KCNMB3: variants seen among roughly 807,000 people sequenced by gnomAD.
KCNMB3 encodes the protein potassium calcium-activated channel subfamily M regulatory beta subunit 3, also known as calcium-activated potassium channel subunit beta-3.
KCNMB3 carries 18 observed loss-of-function variants against 11.9 expected under a neutral mutation model. The observed-to-expected ratio is 1.51, with a 90% CI of 1.04 to 2.23. The LOEUF (loss-of-function observed/expected upper bound fraction) is 2.23. KCNMB3 is among the 30% of genes most tolerant of loss of function. KCNMB3 has a pLI of 0.00. For synonymous variants in KCNMB3, 78 were observed against 119.2 expected (o/e 0.65, Z 2.25); for missense variants, 247 against 329.4 (o/e 0.75, Z 1.94).
chr3:179,251,288 T>C, upstream of KCNMB3: 1 of 1,447,608 alleles, frequency 6.9e-7, no homozygotes, highest in Non-Finnish European at 9.0e-7. Flanking sequence ...CTCCTGAAAA[T>C]TTGTTTACAT....
chr3:179,253,785 G>A (rs1371156665), upstream of KCNMB3, among the ~76,000 whole-genome samples: 3 of 151,794 alleles, frequency 2.0e-5, no homozygotes, highest in East Asian at 1.9e-4. Flanking sequence ...CAGCCTGGGC[G>A]ACAGAGTGAG....
At chr3:179,263,800 C>CTTTTTTTTTTTTTTTT (rs60270913) in intron 1 of KCNMB3, among the ~76,000 whole-genome samples, 4 of 59,970 alleles carry the variant, frequency 6.7e-5, no homozygotes, top group African/African-American at 2.1e-4. Flanking sequence ...TTTTTCTTTT[C>CTTTTTTTTTTTTTTTT]TTTTTTTTTT....
chr3:179,248,024 C>T (rs1259047837), intron 1 of KCNMB3, among the ~76,000 whole-genome samples: 1 of 152,154 alleles, frequency 6.6e-6, no homozygotes, highest in African/African-American at 2.4e-5. Flanking sequence ...GACCTGGCCC[C>T]AGAGTACCAC....
At chr3:179,249,563 C>T (rs909247192) in intron 1 of KCNMB3, among the ~76,000 whole-genome samples, 3 of 151,948 alleles carry the variant, frequency 2.0e-5, no homozygotes, top group African/African-American at 7.2e-5. Flanking sequence ...ATCCCAGCTA[C>T]TCAGGAGGCT....
chr3:179,244,536 G>T lies in KCNMB3; in HGVS notation c.406C>A (p.Leu136Ile). ...ACAGCCTCTTCATTATAATGTAGGAGAGCTTTCTGACCTGGATGGCTGAGG... is the reference window on the plus strand; with the variant it reads ...ACAGCCTCTTCATTATAATGTAGGATAGCTTTCTGACCTGGATGGCTGAGG... ...VNLSHPGQKA[L>I]LHYNEEAVQI... Residue 136 changes from leucine to isoleucine, a missense_variant, in exon 2 of 3, where the codon CTC (leucine) becomes ATC (isoleucine). Coordinates refer to ENST00000392685, the MANE Select transcript of KCNMB3 (RefSeq NM_171830.2). 1 of 1,614,164 alleles carries T rather than the reference G, an allele frequency of 6.2e-7. No homozygotes were observed. Among genetic ancestry groups the T allele is most frequent in the Non-Finnish European group, 8.5e-7 (1 of 1,180,032 alleles).
intron 1 of KCNMB3, among the ~76,000 whole-genome samples, chr3:179,247,568 G>A (rs966024896): frequency 2.0e-5 from 3 of 152,064 alleles, no homozygotes; most frequent in African/African-American, 7.2e-5. Context: ...TTGTAGTTAT[G>A]AGAACCGAGC....
chr3:179,266,599 C>T, intron 1 of KCNMB3: 1 of 1,607,656 alleles, frequency 6.2e-7, no homozygotes, highest in South Asian at 1.1e-5. Flanking sequence ...CTTGCAACTG[C>T]TTGTTCAGCC....
At chr3:179,256,850 TA>T (rs1409217054) in intron 1 of KCNMB3, among the ~76,000 whole-genome samples, 2 of 151,970 alleles carry the variant, frequency 1.3e-5, no homozygotes, top group African/African-American at 4.8e-5. Flanking sequence ...CTAAATGGAG[TA>T]AATGATCCAG....
Position 179,242,912 on chromosome 3 carries a change from T to G in KCNMB3, c.820A>C (p.Lys274Gln), listed in dbSNP as rs751643355. ...TTAATTTGGCCACCGTCTTAAGATT[T>G]CTCTGCTCTTCCTTTGCTCCTCCTC... ...IMRRSKGRAE[K>Q]S Residue 274 changes from lysine (K) to glutamine (Q), a missense_variant, in exon 3 of 3, where the codon AAA (lysine) becomes CAA (glutamine). By Grantham distance (53) the Lys-to-Gln change is moderately conservative. Transcript: ENST00000392685. 3 of 1,594,412 alleles carry G rather than the reference T, an allele frequency of 1.9e-6. No individual in the cohort carries two copies. Among genetic ancestry groups the G allele is most frequent in the African/African-American group, 2.7e-5 (2 of 74,566 alleles).
At chr3:179,265,592 G>C (rs1248484245) in intron 1 of KCNMB3, among the ~76,000 whole-genome samples, 1 of 152,118 alleles carries the variant, frequency 6.6e-6, no homozygotes, top group Non-Finnish European at 1.5e-5. Context: ...GAGTAGCTGG[G>C]ATTACAGGCG....
At chr3:179,262,449 C>T (rs898297625) in intron 1 of KCNMB3, among the ~76,000 whole-genome samples, 5 of 152,176 alleles carry the variant, frequency 3.3e-5, no homozygotes, top group East Asian at 1.9e-4. Context: ...TGCAGACCTT[C>T]GCAGTGAGTG....
intron 1 of KCNMB3, among the ~76,000 whole-genome samples, chr3:179,256,956 G>T (rs1214395743): frequency 6.6e-6 from 1 of 152,064 alleles, no homozygotes; most frequent in African/African-American, 2.4e-5. Context: ...GAACCCAGGA[G>T]TTCGAGACCA....
chr3:179,261,246 G>T, intron 1 of KCNMB3: 1 of 1,317,170 alleles, frequency 7.6e-7, no homozygotes, highest in Non-Finnish European at 1.0e-6. Flanking sequence ...TAGATCTCCC[G>T]GCTCTGCGTG....
At chr3:179,266,831 C>T in exon 1 of KCNMB3, 5 of 1,458,766 alleles carry the variant, frequency 3.4e-6, no homozygotes, top group Non-Finnish European at 4.5e-6. Flanking sequence ...CAGCCCCCAG[C>T]GCAGCTGCAG....
At chr3:179,257,270 A>G (rs1576961995) in intron 1 of KCNMB3, among the ~76,000 whole-genome samples, 1 of 152,288 alleles carries the variant, frequency 6.6e-6, no homozygotes, top group East Asian at 1.9e-4. Context: ...ACAACTATAA[A>G]ATGTTTTTAT....
At chr3:179,263,151 G>T (rs867825491) in intron 1 of KCNMB3, among the ~76,000 whole-genome samples, 2 of 152,332 alleles carry the variant, frequency 1.3e-5, no homozygotes, top group South Asian at 2.1e-4. Flanking sequence ...CCACGGAGGC[G>T]GGGGGAGGCT....
intron 1 of KCNMB3, among the ~76,000 whole-genome samples, chr3:179,263,485 G>A (rs111638460): frequency 0.049 from 7,467 of 152,228 alleles, 200 homozygotes; most frequent in Non-Finnish European, 0.057. Flanking sequence ...CGCCAAGGCC[G>A]AGGAGGCGCG....
intron 1 of KCNMB3, among the ~76,000 whole-genome samples, chr3:179,257,091 G>T (rs1412700436): frequency 1.3e-5 from 2 of 152,114 alleles, no homozygotes; most frequent in African/African-American, 2.4e-5. Context: ...TTGAGCCCAG[G>T]TGTTTGAGGC....
At chr3:179,267,005 T>G, upstream of KCNMB3, 37 of 957,518 alleles carry the variant, frequency 3.9e-5, no homozygotes, top group South Asian at 8.4e-5. Flanking sequence ...TGCACTGTGC[T>G]TGCCGCCACC....
Sources: gnomAD v4.1 joint callset for allele counts (sites outside exome capture counted in the v4.1 genomes callset) on GRCh38, gnomAD v4.1.1 for gene constraint, MANE v1.5 for transcripts, NCBI Gene and HGNC (gene_info 2026-07-23, HGNC 2026-07-21) for gene names.